The following LDB2 variants were observed in gnomAD, a reference collection of about 807,000 sequenced individuals.
The protein encoded by LDB2 is LIM domain binding 2.
Under a neutral mutation model 44.3 loss-of-function variants are expected in LDB2, and 12 were observed. The observed-to-expected ratio is 0.27, with a 90% confidence interval of 0.17 to 0.44. The LOEUF (loss-of-function observed/expected upper bound fraction) is 0.44. Ranked by LOEUF, LDB2 falls within the 20% of genes least tolerant of loss-of-function variation. The probability of loss-of-function intolerance (pLI) is 1.00; values close to 1 mark genes in which losing one functional copy is unlikely to be tolerated. For missense variants in LDB2, 344 were observed against 473.5 expected (o/e 0.73, Z 2.54); for synonymous variants, 164 against 174.8 (o/e 0.94, Z 0.49).
chr4:16,617,495 T>G (rs1038013956), intron 2 of LDB2, among the ~76,000 whole-genome samples: 2 of 152,024 alleles, frequency 1.3e-5, no homozygotes, highest in Non-Finnish European at 2.9e-5. Context: ...TAACACCCAG[T>G]GGAGAAATGG....
chr4:16,879,763 C>A (rs1261594055), intron 1 of LDB2, among the ~76,000 whole-genome samples: 1 of 152,106 alleles, frequency 6.6e-6, no homozygotes. Flanking sequence ...TGGATATATA[C>A]CCTATATCTG....
chr4:16,551,518 TTTTA>T (rs1473293622), intron 5 of LDB2, among the ~76,000 whole-genome samples: 1 of 152,092 alleles, frequency 6.6e-6, no homozygotes, highest in Non-Finnish European at 1.5e-5. Flanking sequence ...TATTTTTATT[TTTTA>T]TTTATTTATT....
intron 2 of LDB2, among the ~76,000 whole-genome samples, chr4:16,631,740 A>C (rs1732014838): frequency 6.6e-6 from 1 of 152,224 alleles, no homozygotes; most frequent in African/African-American, 2.4e-5. Context: ...GCAATAAAAA[A>C]TGATAAAGGC....
intron 3 of LDB2, among the ~76,000 whole-genome samples, chr4:16,591,110 T>C (rs931490730): frequency 6.6e-6 from 1 of 152,180 alleles, no homozygotes; most frequent in Non-Finnish European, 1.5e-5. Context: ...GGGGAGATTA[T>C]TGGATATTTA....
intron 2 of LDB2, among the ~76,000 whole-genome samples, chr4:16,732,959 G>A (rs991254187): frequency 2.0e-4 from 30 of 152,170 alleles, no homozygotes; most frequent in Non-Finnish European, 4.4e-5. Context: ...GCATAGGGAT[G>A]TTCACAACCT....
chr4:16,648,698 A>C (rs1446650172), intron 2 of LDB2, among the ~76,000 whole-genome samples: 2 of 151,912 alleles, frequency 1.3e-5, no homozygotes, highest in African/African-American at 4.8e-5. Flanking sequence ...ATGCAAAAAG[A>C]CTCTATTTAA....
chr4:16,712,343 G>A (rs1164942477), intron 2 of LDB2, among the ~76,000 whole-genome samples: 1 of 152,120 alleles, frequency 6.6e-6, no homozygotes, highest in African/African-American at 2.4e-5. Flanking sequence ...CACGAGGTCA[G>A]GAGTTCAAGA....
chr4:16,886,935 A>AG (rs1448896582), intron 1 of LDB2, among the ~76,000 whole-genome samples: 1 of 146,712 alleles, frequency 6.8e-6, no homozygotes, highest in African/African-American at 2.5e-5. Flanking sequence ...CGTGAGGCTG[A>AG]GGCAGGAGAA....
intron 1 of LDB2, among the ~76,000 whole-genome samples, chr4:16,858,626 G>A (rs765701447): frequency 1.3e-4 from 20 of 152,288 alleles, no homozygotes; most frequent in Middle Eastern, 3.4e-3. Context: ...ATCACCCATC[G>A]GTTATCTGTG....
At chr4:16,829,034 G>A (rs1455823444) in intron 1 of LDB2, among the ~76,000 whole-genome samples, 1 of 152,154 alleles carries the variant, frequency 6.6e-6, no homozygotes, top group Non-Finnish European at 1.5e-5. Context: ...TACATTCTCA[G>A]GTGAGAGCAC....
At chr4:16,855,179 A>G (rs996287553) in intron 1 of LDB2, among the ~76,000 whole-genome samples, 15 of 152,034 alleles carry the variant, frequency 9.9e-5, no homozygotes, top group Admixed American at 7.9e-4. Flanking sequence ...TACACTCACT[A>G]TTTGCCTTTT....
At chr4:16,742,567 T>G (rs1486143845) in intron 2 of LDB2, among the ~76,000 whole-genome samples, 6 of 152,204 alleles carry the variant, frequency 3.9e-5, no homozygotes, top group East Asian at 3.9e-4. Context: ...AAGAAAGACT[T>G]TTTCAAGGTC....
chr4:16,673,621 T>C (rs1745489179), intron 2 of LDB2, among the ~76,000 whole-genome samples: 1 of 152,228 alleles, frequency 6.6e-6, no homozygotes, highest in Non-Finnish European at 1.5e-5. Flanking sequence ...CATGCTATTA[T>C]AATAAGTGTC....
intron 2 of LDB2, among the ~76,000 whole-genome samples, chr4:16,723,342 A>C (rs1266454137): frequency 6.6e-6 from 1 of 152,146 alleles, no homozygotes; most frequent in Non-Finnish European, 1.5e-5. Flanking sequence ...GGAAGATGGA[A>C]GGGCAAGAGG....
chr4:16,654,164 C>T (rs1739084499), intron 2 of LDB2, among the ~76,000 whole-genome samples: 1 of 152,184 alleles, frequency 6.6e-6, no homozygotes, highest in African/African-American at 2.4e-5. Flanking sequence ...AGGGTGAGAA[C>T]CTTGAACAAT....
chr4:16,776,584 T>C (rs913114837), intron 1 of LDB2, among the ~76,000 whole-genome samples: 3 of 152,220 alleles, frequency 2.0e-5, no homozygotes, highest in African/African-American at 7.2e-5. Context: ...AGTGAGCGCC[T>C]ACTTTGCGCG....
Position 16,584,366 on chromosome 4 carries a change from C to T in LDB2, c.615+1556G>A, listed in dbSNP as rs946581545. ...ATTCCTATCCATATCATCAGTCTCCCGTGCTCACTAGCAAGAGAGCAGCAT... is the reference window on the plus strand; with the variant it reads ...ATTCCTATCCATATCATCAGTCTCCTGTGCTCACTAGCAAGAGAGCAGCAT... On this transcript the variant is annotated intron_variant, in intron 5 of 7. Coordinates refer to ENST00000304523, the MANE Select transcript of LDB2 (RefSeq NM_001290.5). Among the ~76,000 whole-genome samples, 9 of 152,334 alleles carry T rather than the reference C, an allele frequency of 5.9e-5. No homozygotes were observed. The East Asian group carries it at 7.7e-4, about 13-fold the overall frequency.
At chr4:16,691,535 G>C (rs186300518) in intron 2 of LDB2, among the ~76,000 whole-genome samples, 94 of 152,322 alleles carry the variant, frequency 6.2e-4, no homozygotes, top group African/African-American at 2.2e-3. Context: ...ACCCAGGACA[G>C]AGAGAAGGAG....
intron 2 of LDB2, among the ~76,000 whole-genome samples, chr4:16,709,821 C>A (rs760369445): frequency 2.0e-5 from 3 of 152,116 alleles, no homozygotes; most frequent in Non-Finnish European, 2.9e-5. Flanking sequence ...ATGTCACCTG[C>A]AGCTTTTTGG....
Sources: gnomAD v4.1 joint callset for allele counts (sites outside exome capture counted in the v4.1 genomes callset) on GRCh38, gnomAD v4.1.1 for gene constraint, MANE v1.5 for transcripts, NCBI Gene and HGNC (gene_info 2026-07-23, HGNC 2026-07-21) for gene names.